SRSF5: variants seen among roughly 807,000 people sequenced by gnomAD.
SRSF5 encodes serine and arginine rich splicing factor 5.
In SRSF5, 5 loss-of-function variants were observed where a neutral mutation model predicts 34.0. The observed-to-expected ratio is 0.15, with a 90% CI of 0.08 to 0.31. The LOEUF is 0.31. Ranked by LOEUF, SRSF5 falls within the 10% of genes least tolerant of loss-of-function variation. The pLI, the probability that SRSF5 is intolerant of heterozygous loss-of-function variation, is 1.00. For synonymous variants in SRSF5, 164 were observed against 117.7 expected, an observed-to-expected ratio of 1.39 and a Z score of -2.55; for missense variants, 223 against 351.4, an observed-to-expected ratio of 0.63 and a Z score of 2.92.
chr14:69,768,107 C>T (rs757030710), intron 1 of SRSF5, 31 bp from the exon 2 acceptor site: 3 of 1,612,032 alleles, frequency 1.9e-6, no homozygotes, highest in Non-Finnish European at 2.5e-6. Flanking sequence ...ACAGTCATTG[C>T]TATTATCTCG....
intron 1 of SRSF5, 79 bp from the exon 2 acceptor site, chr14:69,768,059 T>C: frequency 1.3e-6 from 2 of 1,488,506 alleles, no homozygotes; most frequent in South Asian, 2.4e-5. Flanking sequence ...TTTTATGCCG[T>C]TGATGTTTTT....
In SRSF5 at chr14:69,771,016, T is replaced by C. The variant is rs140558197; in HGVS notation, c.462T>C (p.Tyr154=). The part of the protein sequence containing the change: ...LNEGVVEFAS[Y]GDLKNAIEKL... ...TTAGGGTGGTTGAGTTTGCCTCTTA[T>C]GGTGACTTAAAGAATGCTATTGAAA... The change falls in exon 7 of 8, where the codon TAT becomes TAC. Residue 154 remains tyrosine (Y), a synonymous_variant. Coordinates refer to ENST00000557154, the MANE Select transcript of SRSF5 (RefSeq NM_001320214.2). 6.2e-5 allele frequency: 100 copies of C among 1,613,546 alleles called. No homozygotes were observed. In the East Asian group the frequency reaches 1.0e-3, roughly 17 times the overall value.
chr14:69,770,921 T>TA (rs1430363808), intron 6 of SRSF5, 74 bp from the exon 7 acceptor site: 5 of 1,303,316 alleles, frequency 3.8e-6, no homozygotes, highest in Non-Finnish European at 5.4e-6. Context: ...AGAAACGACT[T>TA]ACCTAGACTG....
chr14:69,770,353 G>A (rs1883050667), intron 5 of SRSF5, 114 bp from the exon 6 acceptor site: 1 of 1,483,900 alleles, frequency 6.7e-7, no homozygotes, highest in African/African-American at 1.4e-5. Context: ...TAAATGCCAT[G>A]TTTGTACTTT....
intron 5 of SRSF5, chr14:69,769,881 CAATAGTCCGCT>C (rs1883001180): frequency 1.7e-6 from 2 of 1,193,716 alleles, no homozygotes; most frequent in Non-Finnish European, 2.1e-6. Context: ...CTGCATCCGC[CAATAGTCCGCT>C]AATAGGGAGG....
At position 69,768,119 on chromosome 14, in the gene SRSF5, T is replaced by C; in HGVS notation, c.-19-19T>C. On this transcript the variant is annotated intron_variant, in intron 1 of 7. Coordinates refer to ENST00000557154, the MANE Select transcript of SRSF5 (RefSeq NM_001320214.2). ...GTGACAGTCATTGCTATTATCTCGATTGAATTACTTTCTAATAGGAAGTAC... is the reference window on the plus strand; with the variant it reads ...GTGACAGTCATTGCTATTATCTCGACTGAATTACTTTCTAATAGGAAGTAC... The C allele has an allele frequency of 3.7e-6, 6 of 1,613,536 alleles. 1 individual carries two copies. The South Asian group carries it at 6.6e-5, about 18-fold the overall frequency.
At chr14:69,767,915 G>C (rs773940223) in intron 1 of SRSF5, 7 of 492,070 alleles carry the variant, frequency 1.4e-5, no homozygotes, top group African/African-American at 5.9e-5. Flanking sequence ...GGCAGTGGGC[G>C]TTGCGGTTGC....
chr14:69,771,288 A>G lies in SRSF5; in HGVS notation c.646A>G (p.Arg216Gly). The change falls in exon 8 of 8, where the codon AGA (arginine) becomes GGA (glycine). Residue 216 changes from arginine (R) to glycine (G), a missense_variant. By Grantham distance (125) the Arg-to-Gly change is moderately radical. Coordinates refer to ENST00000557154, the MANE Select transcript of SRSF5 (RefSeq NM_001320214.2). Reference protein sequence around the residue: ...SRSRKSYSRSRSRSRSRSRSK... With the variant: ...SRSRKSYSRSGSRSRSRSRSK... ...TAGTCGCAAATCTTACAGCCGGTCAAGAAGCAGGAGCAGGAGCCGGAGCCG... is the reference window on the plus strand; with the variant it reads ...TAGTCGCAAATCTTACAGCCGGTCAGGAAGCAGGAGCAGGAGCCGGAGCCG... The G allele has an allele frequency of 6.2e-7, 1 of 1,614,114 alleles. No individual in the cohort carries two copies.
rs1367981000 is a variant in SRSF5 at position 69,768,909 on chromosome 14, T to C, written c.296+13T>C. 3.7e-6 allele frequency: 6 copies of C among 1,611,294 alleles called. No homozygotes were observed. The highest frequency in any genetic ancestry group is 5.1e-6 in the Non-Finnish European group (6 of 1,177,586). The stretch of plus-strand genomic sequence containing the variant: ...GAAATGATAGACGGTATGTGAAGGG[T>C]GGATGGCTGCATTGAACAATTATTG... On this transcript the variant is annotated intron_variant, in intron 4 of 7. Transcript: ENST00000557154.
Position 69,768,589 on chromosome 14 carries a change from A to T in SRSF5, c.127-15A>T. On this transcript the variant is annotated splice_polypyrimidine_tract_variant and intron_variant, in intron 2 of 7. Transcript: ENST00000557154. ...TTCTAAAGCCAATGTTAAGAGTCTT[A>T]TGCTTACATTTTAGGAATTTGAGGA... is the stretch of plus-strand genomic sequence containing the variant. 2 of 1,613,198 alleles carry T rather than the reference A, an allele frequency of 1.2e-6. No individual in the cohort carries two copies. Among genetic ancestry groups the T allele is most frequent in the Middle Eastern group, 1.7e-4 (1 of 6,058 alleles).
rs968966199 is a variant in SRSF5, at chr14:69,771,446, T to G, written c.804T>G (p.Val268=). Residue 268 remains valine, a synonymous_variant, in exon 8 of 8, where the codon GTT becomes GTG. Transcript: ENST00000557154. The part of the protein sequence containing the change: ...RSRSRSRSRS[V]DSGN ...GGTCCCGATCAAGGTCCAGATCAGT[T>G]GACAGTGGCAATTAAACTGTAAATA... 5 of 1,614,012 alleles carry G rather than the reference T, an allele frequency of 3.1e-6. No homozygotes were observed. In the African/African-American group the frequency reaches 6.7e-5, roughly 22 times the overall value.
chr14:69,767,992 C>A, intron 1 of SRSF5, 146 bp from the exon 2 acceptor site: 2 of 850,828 alleles, frequency 2.4e-6, no homozygotes, highest in Non-Finnish European at 3.6e-6. Context: ...CTGCAGGTAA[C>A]CTGGCCTCAT....
intron 1 of SRSF5, 89 bp downstream of exon 1, chr14:69,767,344 G>A (rs1566623611): frequency 2.2e-6 from 1 of 455,870 alleles, no homozygotes; most frequent in East Asian, 7.0e-5. Context: ...TGCTCTCTTT[G>A]CGGAGGATGG....
rs770145422 is a variant in SRSF5 at position 69,769,188 on chromosome 14, T to G, written c.303T>G (p.Ala101=). ...SRRPRNDRRN[A]PPVRTENRLI... ...TACGAATTTTCTTCCTCAGAAATGCTCCACCTGTAAGAACAGAAAATCGTC... is the reference window on the plus strand; with the variant it reads ...TACGAATTTTCTTCCTCAGAAATGCGCCACCTGTAAGAACAGAAAATCGTC... Residue 101 remains alanine (A), a synonymous_variant, in exon 5 of 8, where the codon GCT becomes GCG. Transcript: ENST00000557154. The G allele has an allele frequency of 8.9e-5, 144 of 1,614,070 alleles. No individual in the cohort carries two copies. The highest frequency in any genetic ancestry group is 1.2e-4 in the Non-Finnish European group (136 of 1,180,046).
chr14:69,769,284 T>A, intron 5 of SRSF5, 33 bp downstream of exon 5: 6 of 1,610,536 alleles, frequency 3.7e-6, no homozygotes, highest in Non-Finnish European at 5.1e-6. Context: ...GTTATTTTGA[T>A]GTGGCTTTTT....
At chr14:69,767,504 C>T (rs964577152) in intron 1 of SRSF5, 19 of 455,890 alleles carry the variant, frequency 4.2e-5, no homozygotes, top group Non-Finnish European at 5.3e-5. Context: ...GTCTTAATGT[C>T]TTCATCTCCT....
chr14:69,768,370 T>C, intron 2 of SRSF5, 88 bp downstream of exon 2: 1 of 1,556,866 alleles, frequency 6.4e-7, no homozygotes, highest in East Asian at 2.3e-5. Flanking sequence ...GGGTGGAATA[T>C]TTGCCTTCAG....
chr14:69,767,672 C>A, intron 1 of SRSF5: 1 of 367,082 alleles, frequency 2.7e-6, no homozygotes. Flanking sequence ...TTGATTCCAC[C>A]GCCGCCATTT....
chr14:69,768,778 T>C lies in SRSF5; in HGVS notation c.198-20T>C. On this transcript the variant is annotated intron_variant, in intron 3 of 7. Transcript: ENST00000557154. The stretch of plus-strand genomic sequence containing the variant: ...ATGTAGCTTAAGTGTGTAACGGAGA[T>C]TTTTCTTCCCTTTTTGTAGGGTTAC... The C allele has an allele frequency of 6.2e-7, 1 of 1,613,718 alleles. No individual in the cohort carries two copies. The highest frequency in any genetic ancestry group is 1.1e-5 in the South Asian group (1 of 91,076).
Sources: allele counts gnomAD v4.1 joint callset, GRCh38; gene constraint gnomAD v4.1.1; transcripts MANE v1.5; gene names NCBI Gene and HGNC (gene_info 2026-07-23, HGNC 2026-07-21).